Variants in LINC00305 observed in about 807,000 individuals in gnomAD.
The protein encoded by LINC00305 is long independently transcribed non-coding RNA 305.
intron 1 of LINC00305, among the ~76,000 whole-genome samples, chr18:64,100,035 C>G (rs1238830074): frequency 6.6e-6 from 1 of 152,118 alleles, no homozygotes; most frequent in Non-Finnish European, 1.5e-5. Flanking sequence ...TAATGCAACC[C>G]TACTTCGACA....
intron 1 of LINC00305, among the ~76,000 whole-genome samples, chr18:64,139,088 C>T (rs2051448876): frequency 6.6e-6 from 1 of 152,164 alleles, no homozygotes; most frequent in South Asian, 2.1e-4. Context: ...AGCCTCCAAA[C>T]ATTCTTCCTC....
chr18:64,102,208 C>T (rs1219247777), intron 1 of LINC00305, among the ~76,000 whole-genome samples: 1 of 152,116 alleles, frequency 6.6e-6, no homozygotes, highest in African/African-American at 2.4e-5. Flanking sequence ...TGAGAGAAGC[C>T]TAAAGGTCTG....
intron 1 of LINC00305, among the ~76,000 whole-genome samples, chr18:64,118,707 T>A (rs1006807975): frequency 5.9e-5 from 9 of 152,112 alleles, no homozygotes; most frequent in African/African-American, 2.2e-4. Context: ...ATTATGCTCA[T>A]AAGTTTTAAT....
rs528392359 is a variant in LINC00305 at position 64,138,284 on chromosome 18, A to G, written n.314+10491T>C. Among the ~76,000 whole-genome samples, 6 of 152,302 alleles carry G rather than the reference A, an allele frequency of 3.9e-5. No homozygotes were observed. In the East Asian group the frequency reaches 1.2e-3, roughly 29 times the overall value. ...TCCCCACCAAAAAGGAAAAAAATAA[A>G]AAAGTCCAGAATTGTGCTGTAGTCT... On this transcript the variant is annotated intron_variant and non_coding_transcript_variant, in intron 1 of 3. Coordinates refer to ENST00000666468, the Ensembl canonical transcript of LINC00305.
chr18:64,108,069 C>T (rs1232184835), intron 1 of LINC00305, among the ~76,000 whole-genome samples: 2 of 152,208 alleles, frequency 1.3e-5, no homozygotes, highest in African/African-American at 4.8e-5. Flanking sequence ...CAGAATTATA[C>T]ATCCAGGTTT....
intron 1 of LINC00305, among the ~76,000 whole-genome samples, chr18:64,118,322 G>A (rs1046164840): frequency 6.6e-6 from 1 of 152,174 alleles, no homozygotes; most frequent in Non-Finnish European, 1.5e-5. Context: ...TATACATACA[G>A]TCTACGAAGG....
intron 2 of LINC00305, chr18:64,098,456 G>T (rs2051255429): frequency 2.5e-6 from 1 of 404,950 alleles, no homozygotes; most frequent in Admixed American, 3.5e-5. Flanking sequence ...TTTGAAGTGA[G>T]TTCATGTACT....
Position 64,094,423 on chromosome 18 carries a change from C to T in LINC00305, n.540+3411G>A, listed in dbSNP as rs551112871. Among the ~76,000 whole-genome samples the T allele has an allele frequency of 2.3e-4, 35 of 152,318 alleles. 1 individual carries two copies. The highest frequency in any genetic ancestry group is 7.9e-4 in the African/African-American group (33 of 41,568). On this transcript the variant is annotated intron_variant and non_coding_transcript_variant, in intron 3 of 3. Transcript: ENST00000666468. ...GGTCGACTGTGGGCAGAGAGCACAACACCCTCAGAAGCACTTCTGCTGCTG... is the reference window on the plus strand; with the variant it reads ...GGTCGACTGTGGGCAGAGAGCACAATACCCTCAGAAGCACTTCTGCTGCTG...
At chr18:64,119,190 G>A (rs183066519) in intron 1 of LINC00305, among the ~76,000 whole-genome samples, 4 of 152,058 alleles carry the variant, frequency 2.6e-5, no homozygotes, top group African/African-American at 4.8e-5. Context: ...AGACTCCTGC[G>A]GGTACAGAAT....
exon 2 of LINC00305, chr18:64,098,619 G>A (rs377266171): frequency 5.3e-5 from 23 of 431,434 alleles, no homozygotes; most frequent in Middle Eastern, 3.3e-4. Context: ...ATATCCAGGG[G>A]TGGAACCAGA....
chr18:64,088,443 C>T (rs75452854), intron 3 of LINC00305, among the ~76,000 whole-genome samples: 3,391 of 152,306 alleles, frequency 0.022, 95 homozygotes, highest in East Asian at 0.064. Context: ...ATATTTCCCA[C>T]ATGTACAAAG....
intron 1 of LINC00305, among the ~76,000 whole-genome samples, chr18:64,122,535 C>T (rs992531601): frequency 3.3e-5 from 5 of 151,950 alleles, no homozygotes; most frequent in Admixed American, 1.3e-4. Context: ...TTTTGTTCCA[C>T]CAATCTATGT....
At chr18:64,110,521 G>T (rs1381847096) in intron 1 of LINC00305, among the ~76,000 whole-genome samples, 1 of 152,174 alleles carries the variant, frequency 6.6e-6, no homozygotes, top group Non-Finnish European at 1.5e-5. Flanking sequence ...AAATTGGAAA[G>T]ACTTTGGGGG....
intron 1 of LINC00305, among the ~76,000 whole-genome samples, chr18:64,125,235 TC>T (rs2051379559): frequency 6.6e-6 from 1 of 151,988 alleles, no homozygotes; most frequent in African/African-American, 2.4e-5. Context: ...AAAAGTCTGT[TC>T]CCCCTTCACC....
At chr18:64,099,615 T>A (rs1055629117) in intron 1 of LINC00305, among the ~76,000 whole-genome samples, 2 of 152,202 alleles carry the variant, frequency 1.3e-5, no homozygotes, top group Non-Finnish European at 2.9e-5. Context: ...GTCTTTTTCC[T>A]GTAGTAGGAT....
chr18:64,098,524 AT>A (rs1195647118), intron 2 of LINC00305: 4 of 435,624 alleles, frequency 9.2e-6, no homozygotes, highest in African/African-American at 4.1e-5. Context: ...AATAGGGTTA[AT>A]TTTTTTCTTA....
chr18:64,113,708 A>G (rs781045859), intron 1 of LINC00305, among the ~76,000 whole-genome samples: 25 of 152,158 alleles, frequency 1.6e-4, no homozygotes, highest in Non-Finnish European at 2.6e-4. Flanking sequence ...GTAATACTCA[A>G]CCTCAGCAGT....
intron 3 of LINC00305, among the ~76,000 whole-genome samples, chr18:64,090,065 CAT>C (rs2051218920): frequency 6.6e-6 from 1 of 152,114 alleles, no homozygotes; most frequent in Non-Finnish European, 1.5e-5. Flanking sequence ...TGGATGGAAA[CAT>C]GCATTTGGGA....
chr18:64,129,274 A>C (rs1010202999), intron 1 of LINC00305, among the ~76,000 whole-genome samples: 2 of 152,150 alleles, frequency 1.3e-5, no homozygotes, highest in African/African-American at 4.8e-5. Flanking sequence ...TATGCAAGCT[A>C]TTTGATGTGT....
Sources: allele counts gnomAD v4.1 joint callset (sites outside exome capture counted in the v4.1 genomes callset), GRCh38; gene constraint gnomAD v4.1.1; transcripts MANE v1.5; gene names NCBI Gene and HGNC (gene_info 2026-07-23, HGNC 2026-07-21).